Variants in ARID1B observed in about 807,000 individuals in gnomAD.
The protein encoded by ARID1B is AT-rich interaction domain 1B, also known as AT-rich interactive domain-containing protein 1B.
In ARID1B, 30 loss-of-function variants were observed where a neutral mutation model predicts 212.3. That is an observed-to-expected ratio of 0.14 (90% CI 0.11 to 0.19). The LOEUF (loss-of-function observed/expected upper bound fraction) is 0.19, where lower values mean the gene tolerates loss of function less well. ARID1B is among the 10% of genes least tolerant of loss of function. ARID1B has a pLI of 1.00. For missense variants in ARID1B, 2,891 were observed against 3,204.0 expected, an observed-to-expected ratio of 0.90 and a Z score of 2.36; for synonymous variants, 1,402 against 1,301.7, an observed-to-expected ratio of 1.08 and a Z score of -1.66.
At chr6:156,961,468 G>A (rs938896498) in intron 4 of ARID1B, among the ~76,000 whole-genome samples, 5 of 151,386 alleles carry the variant, frequency 3.3e-5, no homozygotes, top group African/African-American at 1.2e-4. Flanking sequence ...CGCCAGCAGC[G>A]GCTTGCTGGC....
intron 4 of ARID1B, among the ~76,000 whole-genome samples, chr6:156,949,190 C>CT (rs1194687551): frequency 6.6e-6 from 1 of 152,124 alleles, no homozygotes; most frequent in South Asian, 2.1e-4. Context: ...ATTTTTACTA[C>CT]TTTTTTTGCT....
At chr6:156,987,357 G>A (rs1288789061) in intron 4 of ARID1B, among the ~76,000 whole-genome samples, 2 of 147,932 alleles carry the variant, frequency 1.4e-5, no homozygotes, top group Non-Finnish European at 3.0e-5. Context: ...TTGAGACGGA[G>A]TGTTGCTCTG....
rs2114988880 is a variant in ARID1B, at chr6:156,778,884, G to A, written c.1204G>A (p.Gly402Ser). The change falls in exon 1 of 20, where the codon GGC (glycine) becomes AGC (serine). Residue 402 changes from glycine to serine, a missense_variant. Gly to Ser is a moderately conservative substitution (Grantham distance 56). Transcript: ENST00000636930. ...CGGCGGCGGCGGCGGAGGAGGAGGAGGCAGCGGAGGAGGAGGAGGAGGAGG... is the reference window on the plus strand; with the variant it reads ...CGGCGGCGGCGGCGGAGGAGGAGGAAGCAGCGGAGGAGGAGGAGGAGGAGG... ...GGGGGGGGGGGSGGGGGGGGA... is the reference protein window; with the variant it reads ...GGGGGGGGGGSSGGGGGGGGA... 7.2e-7 allele frequency: 1 copy of A among 1,392,406 alleles called. No homozygotes were observed. Among genetic ancestry groups the A allele is most frequent in the South Asian group, 1.6e-5 (1 of 60,666 alleles). The allele number at this position is 1,392,406 out of a possible 1,614,324, so 86.3% of individuals were successfully genotyped here. A position where few individuals can be genotyped will look rare whatever the true frequency, so the allele number is the denominator to read the frequency against.
intron 4 of ARID1B, among the ~76,000 whole-genome samples, chr6:156,979,788 C>T (rs1162210130): frequency 6.6e-6 from 1 of 152,210 alleles, no homozygotes. Context: ...TATCTCTTGA[C>T]CTCTTGATCC....
chr6:156,944,913 C>T (rs113521573), intron 4 of ARID1B, among the ~76,000 whole-genome samples: 2,370 of 149,690 alleles, frequency 0.016, 30 homozygotes, highest in Non-Finnish European at 0.027. Context: ...TCTTCTTCTT[C>T]TTTTTCTTTT....
chr6:156,917,822 G>A (rs17320572), intron 3 of ARID1B, among the ~76,000 whole-genome samples: 2,624 of 152,272 alleles, frequency 0.017, 38 homozygotes, highest in Non-Finnish European at 0.029. Flanking sequence ...TAGATCACTT[G>A]GTAGTTGGAC....
At chr6:157,132,648 C>T (rs531941266) in intron 6 of ARID1B, among the ~76,000 whole-genome samples, 6 of 152,182 alleles carry the variant, frequency 3.9e-5, no homozygotes, top group African/African-American at 9.6e-5. Context: ...GGAGCAGGCA[C>T]GCACGGCATG....
rs771748834 is a variant in ARID1B, at chr6:157,207,310, G to A, written c.6538G>A (p.Val2180Met). 1.1e-5 allele frequency: 18 copies of A among 1,613,884 alleles called. No homozygotes were observed. The highest frequency in any genetic ancestry group is 1.4e-5 in the Non-Finnish European group (17 of 1,179,890). ...PILDGLLHWMVCPSAEAQDPF... is the reference protein window; with the variant it reads ...PILDGLLHWMMCPSAEAQDPF... ...TTTGGATGGCTTGCTGCACTGGATG[G>A]TGTGCCCGTCTGCAGAGGCACAAGA... is the stretch of plus-strand genomic sequence containing the variant. Residue 2180 changes from valine to methionine, a missense_variant, in exon 20 of 20, where the codon GTG becomes ATG. By Grantham distance (21) the Val-to-Met change is conservative. Coordinates refer to ENST00000636930, the MANE Select transcript of ARID1B (RefSeq NM_001374828.1). The surrounding 1 kb of genome is among the most constrained non-coding windows in gnomAD (Gnocchi z 8.5).
rs1791909136 is a variant in ARID1B, at chr6:157,174,034, T to G, written c.3262T>G (p.Ser1088Ala). 1 of 1,614,016 alleles carries G rather than the reference T, an allele frequency of 6.2e-7. No individual in the cohort carries two copies. Among genetic ancestry groups the G allele is most frequent in the South Asian group, 1.1e-5 (1 of 91,076 alleles). ...AASVGLADMM[S>A]PGESKLPLPL... ...ATCTGTGGGTCTTGCAGATATGATG[T>G]CTCCTGGTGAATCCAAACTGCCCCT... The change falls in exon 10 of 20, where the codon TCT becomes GCT. Residue 1088 changes from serine to alanine, a missense_variant. Ser to Ala is a moderately conservative substitution (Grantham distance 99). This residue lies in a region of ARID1B where 1,643 missense variants were observed against 1,544.0 expected (regional missense o/e 1.06). Coordinates refer to ENST00000636930, the MANE Select transcript of ARID1B (RefSeq NM_001374828.1).
rs552796500 is a variant in ARID1B at position 156,778,222 on chromosome 6, A to G, written c.542A>G (p.His181Arg). 2.7e-5 allele frequency: 42 copies of G among 1,536,874 alleles called. No individual in the cohort carries two copies. The African/African-American group carries it at 4.0e-4, about 15-fold the overall frequency. ...GCCCACCACCACCACCACCATGCCC[A>G]CCACCTCCACCACCACCACGCACTA... ...HHAHHHHHHA[H>R]HLHHHHALQQ... Residue 181 changes from histidine (H) to arginine (R), a missense_variant, in exon 1 of 20, where the codon CAC (histidine) becomes CGC (arginine). Coordinates refer to ENST00000636930, the MANE Select transcript of ARID1B (RefSeq NM_001374828.1).
intron 8 of ARID1B, among the ~76,000 whole-genome samples, chr6:157,158,547 C>T (rs1170569067): frequency 6.6e-6 from 1 of 152,216 alleles, no homozygotes; most frequent in Non-Finnish European, 1.5e-5. Flanking sequence ...ACTGCTAAAA[C>T]TCAGGTTCGT....
intron 6 of ARID1B, among the ~76,000 whole-genome samples, chr6:157,113,511 A>G (rs1313675196): frequency 1.3e-5 from 2 of 152,192 alleles, no homozygotes; most frequent in African/African-American, 4.8e-5. Flanking sequence ...CACATCTTAC[A>G]TGGCAGGAGC....
At position 157,201,160 on chromosome 6, in the gene ARID1B, T is replaced by C. The variant is rs776777663; in HGVS notation, c.4935T>C (p.Tyr1645=). Residue 1645 remains tyrosine, a synonymous_variant, in exon 18 of 20, where the codon TAT becomes TAC. Transcript: ENST00000636930. This position sits in a 1 kb window ranked among gnomAD's most constrained non-coding sequence, Gnocchi z 5.2. ...CTCACGTCAGCCAGCGTCAGCCTTA[T>C]ATGTCGTCCTCAGCCTCCATGCAGC... is the stretch of plus-strand genomic sequence containing the variant. ...WPSHVSQRQP[Y]MSSSASMQPI... The C allele has an allele frequency of 6.8e-6, 11 of 1,614,024 alleles. No homozygotes were observed. Among genetic ancestry groups the C allele is most frequent in the Admixed American group, 1.7e-5 (1 of 60,006 alleles).
chr6:157,184,749 T>G (rs902971350), intron 13 of ARID1B: 14 of 390,150 alleles, frequency 3.6e-5, no homozygotes, highest in African/African-American at 2.9e-4. Context: ...TCAAAAAGAT[T>G]CCATCTACCT....
At chr6:156,878,704 C>T (rs976257436) in intron 2 of ARID1B, among the ~76,000 whole-genome samples, 9 of 152,180 alleles carry the variant, frequency 5.9e-5, no homozygotes, top group African/African-American at 1.4e-4. Context: ...TCCTATCAGG[C>T]TCATAATAAG....
Position 157,200,154 on chromosome 6 carries a change from G to C in ARID1B, c.4480-551G>C, listed in dbSNP as rs1442036106. On this transcript the variant is annotated intron_variant, in intron 17 of 19. Transcript: ENST00000636930. The surrounding 1 kb of genome is among the most constrained non-coding windows in gnomAD (Gnocchi z 4.3). ...TGTCCTCAGTGCTGGGACCAGTGGG[G>C]CTTTGGGGGAGCCACACCTGACCAG... Among the ~76,000 whole-genome samples, 1 of 152,170 alleles carries C rather than the reference G, an allele frequency of 6.6e-6. No homozygotes were observed. The highest frequency in any genetic ancestry group is 1.5e-5 in the Non-Finnish European group (1 of 68,020).
intron 3 of ARID1B, among the ~76,000 whole-genome samples, chr6:156,902,669 G>A (rs1382186403): frequency 6.7e-6 from 1 of 149,432 alleles, no homozygotes; most frequent in African/African-American, 2.5e-5. Flanking sequence ...CCCGGGAGGC[G>A]GAGGTTGCAG....
rs751203152 is a variant in ARID1B, at chr6:157,039,694, C to CTT, written c.2248-44967_2248-44966dup. Among the ~76,000 whole-genome samples, 165 of 58,444 alleles carry CTT rather than the reference C, an allele frequency of 2.8e-3. 4 individuals are homozygous for CTT. Among genetic ancestry groups the CTT allele is most frequent in the Non-Finnish European group, 4.3e-3 (116 of 27,022 alleles). 38.3% of individuals were successfully genotyped at this position (58,444 alleles called of 152,430 possible). A position where few individuals can be genotyped will look rare whatever the true frequency, so the allele number is the denominator to read the frequency against. On this transcript the variant is annotated intron_variant, in intron 4 of 19. Transcript: ENST00000636930. ...CCTTCCTTCCTTCCTTCCTTCCTTCCTTCTTTCTTTCCTTTCTTTCCTTCC... is the reference window on the plus strand; with the variant it reads ...CCTTCCTTCCTTCCTTCCTTCCTTCCTTTTCTTTCTTTCCTTTCTTTCCTTCC...
intron 4 of ARID1B, among the ~76,000 whole-genome samples, chr6:156,992,608 G>A (rs1221089066): frequency 1.3e-5 from 2 of 152,198 alleles, no homozygotes; most frequent in East Asian, 1.9e-4. Flanking sequence ...GTTTTGGAGC[G>A]GGAGGTATTC....
Sources: allele counts gnomAD v4.1 joint callset (sites outside exome capture counted in the v4.1 genomes callset), GRCh38; gene constraint gnomAD v4.1.1; regional missense constraint gnomAD v4.1.1; non-coding constraint Gnocchi (gnomAD v3.1); transcripts MANE v1.5; gene names NCBI Gene and HGNC (gene_info 2026-07-23, HGNC 2026-07-21).